PCED1B: variants seen among roughly 807,000 people sequenced by gnomAD.
The protein encoded by PCED1B is PC-esterase domain containing 1B.
For missense variants in PCED1B, 573 were observed against 573.9 expected, an observed-to-expected ratio of 1.00 and a Z score of 0.02; for synonymous variants, 251 against 246.1, an observed-to-expected ratio of 1.02 and a Z score of -0.19.
At chr12:47,201,729 G>C (rs1431521248) in intron 2 of PCED1B, among the ~76,000 whole-genome samples, 2 of 151,944 alleles carry the variant, frequency 1.3e-5, no homozygotes, top group African/African-American at 2.4e-5. Flanking sequence ...CTCCTGAATA[G>C]CTGAGACTAC....
intron 2 of PCED1B, among the ~76,000 whole-genome samples, chr12:47,168,435 T>C (rs1039810112): frequency 9.9e-5 from 15 of 152,210 alleles, no homozygotes; most frequent in Admixed American, 6.5e-5. Context: ...TGTATGTTTC[T>C]CTTAGTCAGG....
intron 2 of PCED1B, among the ~76,000 whole-genome samples, chr12:47,183,687 A>G (rs1942165009): frequency 6.6e-6 from 1 of 152,240 alleles, no homozygotes; most frequent in Admixed American, 6.5e-5. Flanking sequence ...AACTTTCACT[A>G]CTTGAAATTA....
intron 2 of PCED1B, among the ~76,000 whole-genome samples, chr12:47,119,234 A>G (rs1286971154): frequency 1.3e-5 from 2 of 152,224 alleles, no homozygotes; most frequent in Non-Finnish European, 2.9e-5. Flanking sequence ...AAATATAAAA[A>G]TTAATCCTAA....
intron 2 of PCED1B, among the ~76,000 whole-genome samples, chr12:47,133,883 C>T (rs1940235230): frequency 6.6e-6 from 1 of 152,056 alleles, no homozygotes; most frequent in South Asian, 2.1e-4. Context: ...GGATTAGTGC[C>T]CTTATAAAGG....
intron 2 of PCED1B, among the ~76,000 whole-genome samples, chr12:47,164,698 G>A (rs1941489796): frequency 6.6e-6 from 1 of 152,204 alleles, no homozygotes; most frequent in African/African-American, 2.4e-5. Context: ...GTTTCTGCCT[G>A]GGCTCCCAGG....
At chr12:47,208,309 C>G (rs1421237339) in intron 2 of PCED1B, 1 of 152,756 alleles carries the variant, frequency 6.5e-6, no homozygotes, top group East Asian at 1.9e-4. Context: ...GATCATAGCT[C>G]ACTGCAGACT....
intron 2 of PCED1B, among the ~76,000 whole-genome samples, chr12:47,176,306 A>G (rs1395631045): frequency 6.6e-6 from 1 of 152,032 alleles, no homozygotes; most frequent in Non-Finnish European, 1.5e-5. Flanking sequence ...CCAGTTCCTG[A>G]TGCAGAGCTC....
rs546764819 is a variant in PCED1B, at chr12:47,152,112, A to G, written c.-526+47917A>G. On this transcript the variant is annotated intron_variant, in intron 2 of 3. Coordinates refer to ENST00000546455, the MANE Select transcript of PCED1B (RefSeq NM_138371.3). ...TTCTTTGGTAAACACTATAGTAATAACTGTTATAGGCTAGCAATGTTGATG... is the reference window on the plus strand; with the variant it reads ...TTCTTTGGTAAACACTATAGTAATAGCTGTTATAGGCTAGCAATGTTGATG... Among the ~76,000 whole-genome samples the G allele has an allele frequency of 3.3e-5, 5 of 152,366 alleles. No individual in the cohort carries two copies. In the South Asian group the frequency reaches 1.0e-3, roughly 32 times the overall value.
In PCED1B at chr12:47,236,431, T is replaced by G. The variant is rs1943991016; in HGVS notation, c.*69T>G. 6 of 1,416,828 alleles carry G rather than the reference T, an allele frequency of 4.2e-6. No homozygotes were observed. In the South Asian group the frequency reaches 8.9e-5, roughly 21 times the overall value. 87.8% of individuals were successfully genotyped at this position (1,416,828 alleles called of 1,614,324 possible). A position where few individuals can be genotyped will look rare whatever the true frequency, so the allele number is the denominator to read the frequency against. On this transcript the variant is annotated 3_prime_UTR_variant, in exon 4 of 4. Transcript: ENST00000546455. ...AGATCTGACACTTCCTTTCCATTGC[T>G]TGGCCTGAACAGACTGACCTTGTTA...
intron 2 of PCED1B, among the ~76,000 whole-genome samples, chr12:47,161,553 T>C (rs1941379079): frequency 6.6e-6 from 1 of 152,200 alleles, no homozygotes; most frequent in Non-Finnish European, 1.5e-5. Flanking sequence ...AAGAAATACC[T>C]GAGGTTGAGA....
At chr12:47,174,007 T>C (rs949892416) in intron 2 of PCED1B, among the ~76,000 whole-genome samples, 1 of 152,134 alleles carries the variant, frequency 6.6e-6, no homozygotes, top group Non-Finnish European at 1.5e-5. Context: ...GGGCCAGGCA[T>C]GGTGGCTCAC....
At chr12:47,098,342 G>C (rs1212709168) in intron 1 of PCED1B, among the ~76,000 whole-genome samples, 1 of 152,178 alleles carries the variant, frequency 6.6e-6, no homozygotes. Flanking sequence ...GCAAGCCAAA[G>C]TCAAGGACAA....
At chr12:47,127,565 C>T (rs148561684) in intron 2 of PCED1B, among the ~76,000 whole-genome samples, 2,132 of 151,670 alleles carry the variant, frequency 0.014, 53 homozygotes, top group African/African-American at 0.048. Flanking sequence ...AGGGTCTCAC[C>T]GTGTTAGCCA....
At chr12:47,210,983 G>A (rs999435546) in intron 2 of PCED1B, among the ~76,000 whole-genome samples, 2 of 151,986 alleles carry the variant, frequency 1.3e-5, no homozygotes, top group African/African-American at 4.8e-5. Context: ...ATGCAATATG[G>A]GCCAATCGTA....
rs143652331 is a variant in PCED1B at position 47,141,648 on chromosome 12, G to A, written c.-526+37453G>A. Among the ~76,000 whole-genome samples the A allele has an allele frequency of 1.8e-4, 27 of 152,196 alleles. No individual in the cohort carries two copies. The East Asian group carries it at 4.5e-3, about 25-fold the overall frequency. On this transcript the variant is annotated intron_variant, in intron 2 of 3. Transcript: ENST00000546455. Reference sequence around the variant, plus strand: ...TGGGAAACATGCCCATCCATGCCTTGAGAGGCCCATCTGCTTACCTACATT... The same window carrying A: ...TGGGAAACATGCCCATCCATGCCTTAAGAGGCCCATCTGCTTACCTACATT...
chr12:47,102,756 T>C (rs978967369), intron 1 of PCED1B, among the ~76,000 whole-genome samples: 1 of 152,200 alleles, frequency 6.6e-6, no homozygotes, highest in Non-Finnish European at 1.5e-5. Context: ...AACTCAACAT[T>C]GAGGCTTAGC....
chr12:47,209,984 T>C (rs1051971277), intron 2 of PCED1B: 6 of 152,350 alleles, frequency 3.9e-5, no homozygotes, highest in Middle Eastern at 3.4e-3. Flanking sequence ...GCTTTGGAGA[T>C]AGAAGCTACT....
At chr12:47,159,578 G>C (rs545169734) in intron 2 of PCED1B, among the ~76,000 whole-genome samples, 4 of 151,668 alleles carry the variant, frequency 2.6e-5, no homozygotes, top group Non-Finnish European at 5.9e-5. Flanking sequence ...CTTTTTAATA[G>C]GATTTTCTTT....
chr12:47,115,423 A>T (rs1015791794), intron 2 of PCED1B, among the ~76,000 whole-genome samples: 4 of 152,130 alleles, frequency 2.6e-5, no homozygotes, highest in African/African-American at 9.7e-5. Flanking sequence ...TTGGTGGACA[A>T]ACACAGAAGG....
Sources: allele counts gnomAD v4.1 joint callset (sites outside exome capture counted in the v4.1 genomes callset), GRCh38; gene constraint gnomAD v4.1.1; transcripts MANE v1.5; gene names NCBI Gene and HGNC (gene_info 2026-07-23, HGNC 2026-07-21).